The following RASAL2 variants were observed in gnomAD, a reference collection of about 807,000 sequenced individuals.
RASAL2 encodes the protein ras GTPase-activating protein nGAP.
Under a neutral mutation model 128.9 loss-of-function variants are expected in RASAL2, and 58 were observed. The observed-to-expected ratio is 0.45, with a 90% CI of 0.36 to 0.56. RASAL2 has a LOEUF of 0.56. Ranked by LOEUF, RASAL2 falls within the 20% of genes least tolerant of loss-of-function variation. RASAL2 has a pLI of 0.00. For synonymous variants in RASAL2, 561 were observed against 580.8 expected, an observed-to-expected ratio of 0.97 and a Z score of 0.49; for missense variants, 1,360 against 1,601.6, an observed-to-expected ratio of 0.85 and a Z score of 2.57.
At chr1:178,113,820 A>G (rs1659430665) in intron 1 of RASAL2, among the ~76,000 whole-genome samples, 1 of 152,194 alleles carries the variant, frequency 6.6e-6, no homozygotes, top group South Asian at 2.1e-4. Flanking sequence ...CTGGGAGCAC[A>G]ATACATTTCT....
At chr1:178,162,856 G>A (rs1438339206) in intron 1 of RASAL2, among the ~76,000 whole-genome samples, 2 of 151,816 alleles carry the variant, frequency 1.3e-5, no homozygotes, top group Non-Finnish European at 2.9e-5. Flanking sequence ...CCAAAGTGCT[G>A]GGATTGTGAG....
At chr1:178,328,340 A>G (rs566384613) in intron 3 of RASAL2, among the ~76,000 whole-genome samples, 1 of 152,288 alleles carries the variant, frequency 6.6e-6, no homozygotes, top group South Asian at 2.1e-4. Context: ...CAGGCATATA[A>G]TGTGTAATAA....
intron 3 of RASAL2, among the ~76,000 whole-genome samples, chr1:178,312,064 A>G (rs1668281662): frequency 1.3e-5 from 2 of 152,148 alleles, no homozygotes; most frequent in African/African-American, 4.8e-5. Context: ...TGGAGAGAAA[A>G]AAAAGATAAA....
At chr1:178,234,273 G>A (rs536134634) in intron 1 of RASAL2, among the ~76,000 whole-genome samples, 71 of 152,242 alleles carry the variant, frequency 4.7e-4, no homozygotes, top group African/African-American at 1.7e-3. Flanking sequence ...TATTTCTACT[G>A]TTATCTCTTC....
chr1:178,471,423 G>C (rs2102968520), intron 17 of RASAL2, among the ~76,000 whole-genome samples: 1 of 152,104 alleles, frequency 6.6e-6, no homozygotes, highest in Admixed American at 6.5e-5. Context: ...TTTTTTAAAA[G>C]CCTTGCAGCT....
chr1:178,106,689 G>C (rs1479019938), intron 1 of RASAL2, among the ~76,000 whole-genome samples: 2 of 152,080 alleles, frequency 1.3e-5, no homozygotes, highest in African/African-American at 2.4e-5. Flanking sequence ...AGAAAAAATG[G>C]TATCATATGG....
intron 3 of RASAL2, among the ~76,000 whole-genome samples, chr1:178,310,144 A>G (rs187418377): frequency 6.6e-6 from 1 of 152,360 alleles, no homozygotes; most frequent in East Asian, 1.9e-4. Context: ...TCAAGATGCT[A>G]GAATCTTCTA....
At chr1:178,402,470 A>G (rs1033620882) in intron 4 of RASAL2, among the ~76,000 whole-genome samples, 2 of 152,188 alleles carry the variant, frequency 1.3e-5, no homozygotes, top group Non-Finnish European at 2.9e-5. Context: ...TTTTGGTGCC[A>G]AATTTACAAT....
chr1:178,217,834 C>A (rs1355377959), intron 1 of RASAL2, among the ~76,000 whole-genome samples: 3 of 152,042 alleles, frequency 2.0e-5, no homozygotes, highest in Non-Finnish European at 4.4e-5. Context: ...ATGAAGTTGC[C>A]CCATTGATCA....
At chr1:178,158,415 A>G (rs1661156171) in intron 1 of RASAL2, among the ~76,000 whole-genome samples, 1 of 152,214 alleles carries the variant, frequency 6.6e-6, no homozygotes, top group African/African-American at 2.4e-5. Context: ...TGAAGCACCT[A>G]GCACATAGCA....
In RASAL2 at chr1:178,408,612, G is replaced by GTTTTTTTTTTTTTTT. The variant is rs756656921; in HGVS notation, c.565-11893_565-11892insTTTTTTTTTTTTTTT. Among the ~76,000 whole-genome samples, 9 of 142,544 alleles carry GTTTTTTTTTTTTTTT rather than the reference G, an allele frequency of 6.3e-5. 1 individual carries two copies. The highest frequency in any genetic ancestry group is 2.6e-4 in the African/African-American group (9 of 34,954). The allele number at this position is 142,544 out of a possible 152,430, so 93.5% of individuals were successfully genotyped here. On this transcript the variant is annotated intron_variant, in intron 4 of 17. Coordinates refer to ENST00000367649, the MANE Select transcript of RASAL2 (RefSeq NM_170692.4). ...GTTGTTGTTTGGTTGGTTTTTTTTT[G>GTTTTTTTTTTTTTTT]TTTTTTGTTTTTTGTTTTGCTTCTC...
intron 4 of RASAL2, among the ~76,000 whole-genome samples, chr1:178,400,397 T>C (rs1022421583): frequency 6.6e-6 from 1 of 152,180 alleles, no homozygotes; most frequent in Admixed American, 6.5e-5. Context: ...TTCCAGTGTT[T>C]CGTTACCTCT....
intron 1 of RASAL2, among the ~76,000 whole-genome samples, chr1:178,281,238 A>AT (rs558663394): frequency 5.3e-5 from 8 of 151,328 alleles, no homozygotes; most frequent in South Asian, 2.1e-4. Context: ...GACAGACATA[A>AT]TTTTTTTTTA....
intron 1 of RASAL2, among the ~76,000 whole-genome samples, chr1:178,222,600 G>C (rs1663651076): frequency 2.0e-5 from 3 of 151,926 alleles, no homozygotes; most frequent in Admixed American, 6.6e-5. Flanking sequence ...CCGATTGCCT[G>C]ATTATTTATC....
chr1:178,274,965 A>G (rs1042128729), intron 1 of RASAL2, among the ~76,000 whole-genome samples: 4 of 152,232 alleles, frequency 2.6e-5, no homozygotes, highest in Non-Finnish European at 5.9e-5. Context: ...TCAAAGGATT[A>G]GTATATAAGT....
At chr1:178,305,973 A>C (rs1011172244) in intron 3 of RASAL2, among the ~76,000 whole-genome samples, 1 of 152,202 alleles carries the variant, frequency 6.6e-6, no homozygotes, top group Non-Finnish European at 1.5e-5. Context: ...ACAAATGTGT[A>C]TGGGGAAGAA....
intron 9 of RASAL2, among the ~76,000 whole-genome samples, chr1:178,450,336 T>G (rs1677290660): frequency 6.6e-6 from 1 of 152,138 alleles, no homozygotes; most frequent in Non-Finnish European, 1.5e-5. Context: ...ACGAATTAAG[T>G]GACTTTTCCA....
At chr1:178,140,511 C>T (rs186467768) in intron 1 of RASAL2, among the ~76,000 whole-genome samples, 4 of 152,306 alleles carry the variant, frequency 2.6e-5, no homozygotes, top group African/African-American at 9.6e-5. Flanking sequence ...CTCTGTCAAT[C>T]ACAGATATGT....
intron 4 of RASAL2, among the ~76,000 whole-genome samples, chr1:178,398,681 C>T (rs1673418032): frequency 6.6e-6 from 1 of 152,132 alleles, no homozygotes; most frequent in Non-Finnish European, 1.5e-5. Context: ...AAACTGTATT[C>T]ACTTTATGTT....
Sources: gnomAD v4.1 joint callset for allele counts (sites outside exome capture counted in the v4.1 genomes callset) on GRCh38, gnomAD v4.1.1 for gene constraint, MANE v1.5 for transcripts, NCBI Gene and HGNC (gene_info 2026-07-23, HGNC 2026-07-21) for gene names.